The following TPP2 variants were observed in gnomAD, a reference collection of about 807,000 sequenced individuals.
TPP2 encodes tripeptidyl peptidase 2.
TPP2 carries 34 observed loss-of-function variants against 155.9 expected under a neutral mutation model. The ratio of observed to expected loss-of-function variants is 0.22; its 90% confidence interval spans 0.17 to 0.29. The LOEUF is 0.29. TPP2 is among the 10% of genes least tolerant of loss of function. TPP2 has a pLI of 1.00. For missense variants in TPP2, 1,028 were observed against 1,522.3 expected (o/e 0.68, Z 5.40); for synonymous variants, 510 against 529.4 (o/e 0.96, Z 0.50).
At chr13:102,630,838 C>A (rs188248728) in intron 10 of TPP2, among the ~76,000 whole-genome samples, 1 of 152,154 alleles carries the variant, frequency 6.6e-6, no homozygotes, top group African/African-American at 2.4e-5. Flanking sequence ...TATTTTAATT[C>A]ATCTGTTTGG....
rs567153827 is a variant in TPP2 at position 102,625,250 on chromosome 13, C to T, written c.785-1762C>T. Among the ~76,000 whole-genome samples the T allele has an allele frequency of 2.0e-3, 298 of 148,590 alleles. 3 individuals carry two copies. In the Middle Eastern group the frequency reaches 0.025, roughly 13 times the overall value. On this transcript the variant is annotated intron_variant, in intron 6 of 29. Transcript: ENST00000376052. ...CGCGATCTCGGCTCACTGCAAGCTC[C>T]GCCTCCCGGGTTCATGCCATTCTCT...
intron 15 of TPP2, 150 bp downstream of exon 15, chr13:102,638,465 C>G: frequency 1.2e-6 from 1 of 812,030 alleles, no homozygotes; most frequent in Non-Finnish European, 2.0e-6. Flanking sequence ...TTTTAGGTGT[C>G]ATGTAGTCAG....
intron 6 of TPP2, among the ~76,000 whole-genome samples, chr13:102,624,394 T>C (rs943070237): frequency 1.3e-5 from 2 of 152,146 alleles, no homozygotes; most frequent in Non-Finnish European, 2.9e-5. Context: ...TACATACATA[T>C]ACATAATTTG....
At chr13:102,623,500 T>C (rs1006322585) in intron 6 of TPP2, among the ~76,000 whole-genome samples, 1 of 152,066 alleles carries the variant, frequency 6.6e-6, no homozygotes, top group Admixed American at 6.5e-5. Context: ...GAGGCGGAGG[T>C]TGCAGTGAGC....
intron 6 of TPP2, among the ~76,000 whole-genome samples, chr13:102,625,327 G>C (rs1480201752): frequency 6.6e-6 from 1 of 151,260 alleles, no homozygotes; most frequent in Non-Finnish European, 1.5e-5. Flanking sequence ...ACCATGCCCG[G>C]CTAATTTTTT....
intron 25 of TPP2, among the ~76,000 whole-genome samples, chr13:102,660,243 T>TA (rs1566365490): frequency 1.3e-5 from 2 of 151,896 alleles, no homozygotes; most frequent in Admixed American, 6.6e-5. Flanking sequence ...AATGTTCATT[T>TA]AAAAATATTC....
intron 10 of TPP2, among the ~76,000 whole-genome samples, chr13:102,630,460 A>G (rs535518732): frequency 6.6e-6 from 1 of 152,314 alleles, no homozygotes; most frequent in East Asian, 1.9e-4. Flanking sequence ...TAAGAATCTA[A>G]AGAAAAAGTA....
intron 20 of TPP2, 136 bp from the exon 21 acceptor site, chr13:102,647,070 AT>A: frequency 9.0e-7 from 1 of 1,116,792 alleles, no homozygotes. Context: ...TGTGTGTTCT[AT>A]ATTTTCAAAA....
At chr13:102,634,677 C>T (rs1595169360) in intron 11 of TPP2, among the ~76,000 whole-genome samples, 1 of 152,348 alleles carries the variant, frequency 6.6e-6, no homozygotes, top group East Asian at 1.9e-4. Flanking sequence ...CTGCTCACCA[C>T]ATCTCCTCAG....
intron 6 of TPP2, among the ~76,000 whole-genome samples, chr13:102,624,852 C>CTTTTTTTTTTTTTTTTT (rs1029486604): frequency 7.2e-5 from 6 of 83,426 alleles, no homozygotes; most frequent in East Asian, 6.9e-4. Flanking sequence ...TTTTTTTTTC[C>CTTTTTTTTTTTTTTTTT]TTTTTTTTTT....
chr13:102,635,951 C>A (rs934568193), intron 12 of TPP2, among the ~76,000 whole-genome samples: 1 of 151,998 alleles, frequency 6.6e-6, no homozygotes, highest in Non-Finnish European at 1.5e-5. Context: ...AAATCGAGGT[C>A]AAAAACTGGC....
intron 1 of TPP2, among the ~76,000 whole-genome samples, chr13:102,601,753 G>C (rs1011545940): frequency 6.6e-6 from 1 of 152,018 alleles, no homozygotes; most frequent in Non-Finnish European, 1.5e-5. Flanking sequence ...AATCCTCAGG[G>C]GGTTTGCCTT....
chr13:102,668,631 C>A (rs1323956069), intron 27 of TPP2, among the ~76,000 whole-genome samples: 1 of 152,112 alleles, frequency 6.6e-6, no homozygotes, highest in Non-Finnish European at 1.5e-5. Flanking sequence ...TTATTGGAGG[C>A]TGGGAAGGTG....
chr13:102,608,741 C>T (rs1319800420), intron 2 of TPP2, among the ~76,000 whole-genome samples: 1 of 151,912 alleles, frequency 6.6e-6, no homozygotes, highest in African/African-American at 2.4e-5. Flanking sequence ...CTTTCTTAGT[C>T]TCCTATTCTG....
chr13:102,610,578 A>G (rs1880221680), intron 2 of TPP2, among the ~76,000 whole-genome samples: 1 of 152,146 alleles, frequency 6.6e-6, no homozygotes. Flanking sequence ...TTTTCCACAT[A>G]GCCCATAAAC....
At chr13:102,604,725 G>T in intron 1 of TPP2, 68 bp from the exon 2 acceptor site, 1 of 1,511,228 alleles carries the variant, frequency 6.6e-7, no homozygotes. Flanking sequence ...ATATATATGT[G>T]GATTTGCATT....
At chr13:102,661,620 A>G (rs1487511849) in intron 25 of TPP2, among the ~76,000 whole-genome samples, 2 of 152,220 alleles carry the variant, frequency 1.3e-5, no homozygotes, top group East Asian at 3.8e-4. Flanking sequence ...TGGGTGAGTA[A>G]TCTGAATAGA....
chr13:102,618,944 T>C, intron 5 of TPP2, 98 bp downstream of exon 5: 1 of 1,403,272 alleles, frequency 7.1e-7, no homozygotes, highest in Non-Finnish European at 9.3e-7. Context: ...TTTTGGTTTA[T>C]TCGTGATATC....
intron 6 of TPP2, 140 bp from the exon 7 acceptor site, chr13:102,626,872 A>G (rs1277834102): frequency 1.4e-6 from 1 of 713,330 alleles, no homozygotes; most frequent in African/African-American, 1.8e-5. Flanking sequence ...TTCCTTTGTG[A>G]CTTGAGTTTT....
Sources: allele counts gnomAD v4.1 joint callset (sites outside exome capture counted in the v4.1 genomes callset), GRCh38; gene constraint gnomAD v4.1.1; transcripts MANE v1.5; gene names NCBI Gene and HGNC (gene_info 2026-07-23, HGNC 2026-07-21).